The following EPHA6 variants were observed in gnomAD, a reference collection of about 807,000 sequenced individuals.
EPHA6 encodes the protein EPH receptor A6.
A neutral mutation model predicts 112.0 loss-of-function variants in EPHA6; 50 were observed. The observed-to-expected ratio is 0.45, with a 90% CI of 0.36 to 0.56. The LOEUF (loss-of-function observed/expected upper bound fraction) is 0.56, where lower values mean the gene tolerates loss of function less well. Ranked by LOEUF, EPHA6 falls within the 20% of genes least tolerant of loss-of-function variation. EPHA6 has a pLI of 0.00. For missense variants in EPHA6, 1,280 were observed against 1,417.4 expected (o/e 0.90, Z 1.56); for synonymous variants, 529 against 490.7 (o/e 1.08, Z -1.03).
intron 11 of EPHA6, among the ~76,000 whole-genome samples, chr3:97,578,205 T>C (rs2093405466): frequency 6.6e-6 from 1 of 152,064 alleles, no homozygotes; most frequent in Non-Finnish European, 1.5e-5. Context: ...AATTATTCCT[T>C]TCACAAATAA....
At chr3:96,965,114 TAGC>T (rs2042079020) in intron 2 of EPHA6, among the ~76,000 whole-genome samples, 1 of 152,154 alleles carries the variant, frequency 6.6e-6, no homozygotes, top group East Asian at 1.9e-4. Flanking sequence ...TTTGAACACT[TAGC>T]AGCCTCTGAG....
chr3:96,945,104 A>G (rs2041183930), intron 2 of EPHA6, among the ~76,000 whole-genome samples: 1 of 152,192 alleles, frequency 6.6e-6, no homozygotes, highest in Non-Finnish European at 1.5e-5. Context: ...TGTATTTTCA[A>G]TTGAGAAACA....
intron 3 of EPHA6, among the ~76,000 whole-genome samples, chr3:97,135,807 G>T (rs1023416603): frequency 6.7e-6 from 1 of 150,130 alleles, no homozygotes; most frequent in African/African-American, 2.5e-5. Flanking sequence ...CTAAGTAGAC[G>T]CTTTGAAGGA....
At chr3:97,590,427 CA>C (rs1206298893) in intron 11 of EPHA6, 1 of 152,038 alleles carries the variant, frequency 6.6e-6, no homozygotes, top group Non-Finnish European at 1.5e-5. Flanking sequence ...TAGTTTCTTT[CA>C]AAAAGTTAAA....
chr3:97,140,001 T>TA (rs755660460), intron 3 of EPHA6, among the ~76,000 whole-genome samples: 5 of 151,498 alleles, frequency 3.3e-5, no homozygotes, highest in Admixed American at 6.6e-5. Flanking sequence ...AGATAGCTGT[T>TA]AAAAAAAAGA....
chr3:97,250,219 A>G (rs1218054159), intron 5 of EPHA6, among the ~76,000 whole-genome samples: 4 of 152,240 alleles, frequency 2.6e-5, no homozygotes, highest in African/African-American at 9.6e-5. Flanking sequence ...ACTAAATTTC[A>G]TGTTCACTAA....
At chr3:97,420,199 A>G (rs2088501293) in intron 6 of EPHA6, among the ~76,000 whole-genome samples, 1 of 152,012 alleles carries the variant, frequency 6.6e-6, no homozygotes, top group South Asian at 2.1e-4. Flanking sequence ...TAAATCTCTC[A>G]TATATCATAC....
intron 11 of EPHA6, among the ~76,000 whole-genome samples, chr3:97,558,443 C>A (rs1427471584): frequency 6.6e-6 from 1 of 151,954 alleles, no homozygotes; most frequent in Non-Finnish European, 1.5e-5. Context: ...ATGAGTAAAT[C>A]TTCTGAGACA....
chr3:97,175,340 A>C (rs2108437796), intron 3 of EPHA6, among the ~76,000 whole-genome samples: 1 of 151,960 alleles, frequency 6.6e-6, no homozygotes, highest in South Asian at 2.1e-4. Flanking sequence ...TGATTCCTCC[A>C]GATTTGTTCT....
intron 10 of EPHA6, among the ~76,000 whole-genome samples, chr3:97,523,382 C>T (rs1394434498): frequency 1.3e-5 from 2 of 152,002 alleles, no homozygotes; most frequent in Non-Finnish European, 2.9e-5. Context: ...CCATTATGGT[C>T]AGAAAATATA....
chr3:97,092,041 A>G (rs1285444243), intron 3 of EPHA6, among the ~76,000 whole-genome samples: 2 of 151,344 alleles, frequency 1.3e-5, no homozygotes, highest in African/African-American at 4.8e-5. Context: ...AATATCCTCA[A>G]TTAAAATTTT....
At chr3:97,335,627 A>G (rs1271172658) in intron 5 of EPHA6, among the ~76,000 whole-genome samples, 1 of 152,114 alleles carries the variant, frequency 6.6e-6, no homozygotes, top group Admixed American at 6.6e-5. Flanking sequence ...AGATCTTCAA[A>G]ACGTGAATCT....
chr3:97,421,639 T>C (rs111722800), intron 6 of EPHA6, among the ~76,000 whole-genome samples: 2,180 of 152,190 alleles, frequency 0.014, 55 homozygotes, highest in African/African-American at 0.049. Flanking sequence ...TTAAACTTGA[T>C]GAGGAAATGA....
intron 5 of EPHA6, among the ~76,000 whole-genome samples, chr3:97,280,094 T>G (rs1295798399): frequency 1.3e-5 from 2 of 152,194 alleles, no homozygotes; most frequent in African/African-American, 2.4e-5. Context: ...CCATGTGGCA[T>G]ACTTGTCTCA....
intron 5 of EPHA6, among the ~76,000 whole-genome samples, chr3:97,363,224 ATATATATATAT>A (rs2084494738): frequency 1.8e-4 from 11 of 59,714 alleles, no homozygotes; most frequent in Admixed American, 3.4e-4. Flanking sequence ...ATATATATAT[ATATATATATAT>A]ATAAATCTCA....
chr3:97,306,663 T>A (rs1559867633), intron 5 of EPHA6, among the ~76,000 whole-genome samples: 1 of 151,862 alleles, frequency 6.6e-6, no homozygotes, highest in East Asian at 1.9e-4. Context: ...AGAGAGAAGT[T>A]TCTCACAGTA....
At chr3:97,581,499 C>T (rs1470016730) in intron 11 of EPHA6, among the ~76,000 whole-genome samples, 2 of 152,108 alleles carry the variant, frequency 1.3e-5, no homozygotes, top group African/African-American at 4.8e-5. Flanking sequence ...TTGTAAGATA[C>T]ATGAAAAGAA....
chr3:97,438,243 G>A (rs1425356342), intron 6 of EPHA6, among the ~76,000 whole-genome samples: 1 of 152,032 alleles, frequency 6.6e-6, no homozygotes, highest in East Asian at 1.9e-4. Context: ...AGTTAAAACT[G>A]AATAAATATC....
At chr3:97,011,150 G>T (rs993989688) in intron 3 of EPHA6, among the ~76,000 whole-genome samples, 1 of 152,134 alleles carries the variant, frequency 6.6e-6, no homozygotes, top group Non-Finnish European at 1.5e-5. Flanking sequence ...GAGATGGCCA[G>T]ACTCAAGTCT....
Sources: gnomAD v4.1 joint callset for allele counts (sites outside exome capture counted in the v4.1 genomes callset) on GRCh38, gnomAD v4.1.1 for gene constraint, MANE v1.5 for transcripts, NCBI Gene and HGNC (gene_info 2026-07-23, HGNC 2026-07-21) for gene names.